The following NALF1 variants were observed in gnomAD, a reference collection of about 807,000 sequenced individuals.
The protein encoded by NALF1 is family with sequence similarity 155 member A.
NALF1 carries 3 observed loss-of-function variants against 48.4 expected under a neutral mutation model. The ratio of observed to expected loss-of-function variants is 0.06; its 90% CI spans 0.03 to 0.16. NALF1 has a LOEUF of 0.16. Ranked by LOEUF, NALF1 falls within the 10% of genes least tolerant of loss-of-function variation. The pLI, the probability that NALF1 is intolerant of heterozygous loss-of-function variation, is 1.00. For synonymous variants in NALF1, 262 were observed against 245.7 expected, an observed-to-expected ratio of 1.07 and a Z score of -0.62; for missense variants, 526 against 571.5, an observed-to-expected ratio of 0.92 and a Z score of 0.81.
intron 1 of NALF1, among the ~76,000 whole-genome samples, chr13:107,845,436 T>G (rs1156454694): frequency 6.6e-6 from 1 of 152,140 alleles, no homozygotes; most frequent in East Asian, 1.9e-4. Flanking sequence ...ATGGTGAACC[T>G]CAGCCTTAGT....
chr13:107,255,332 T>C (rs1010897742), intron 1 of NALF1, among the ~76,000 whole-genome samples: 3 of 152,220 alleles, frequency 2.0e-5, no homozygotes, highest in Non-Finnish European at 1.5e-5. Flanking sequence ...TTTCTATTCA[T>C]CTCTTTATGT....
chr13:107,551,546 A>G (rs1390483543), intron 1 of NALF1, among the ~76,000 whole-genome samples: 6 of 152,188 alleles, frequency 3.9e-5, no homozygotes, highest in Admixed American at 3.9e-4. Context: ...TAAATAGAAT[A>G]TTACATCGAG....
chr13:107,190,470 A>T (rs1309989650), intron 2 of NALF1, among the ~76,000 whole-genome samples: 2 of 152,210 alleles, frequency 1.3e-5, no homozygotes, highest in African/African-American at 2.4e-5. Flanking sequence ...TTCAATACTT[A>T]GGGGAAAACT....
At chr13:107,453,972 T>C (rs1030577975) in intron 1 of NALF1, among the ~76,000 whole-genome samples, 3 of 152,184 alleles carry the variant, frequency 2.0e-5, no homozygotes, top group African/African-American at 7.2e-5. Flanking sequence ...CTCCTTGCTA[T>C]AGCATAGCAA....
At chr13:107,783,672 C>A (rs946454130) in intron 1 of NALF1, among the ~76,000 whole-genome samples, 1 of 151,630 alleles carries the variant, frequency 6.6e-6, no homozygotes, top group Non-Finnish European at 1.5e-5. Context: ...GCAGCATGCT[C>A]GTTAAGAGTC....
intron 1 of NALF1, among the ~76,000 whole-genome samples, chr13:107,782,180 A>C (rs1877911047): frequency 6.6e-6 from 1 of 152,152 alleles, no homozygotes; most frequent in Non-Finnish European, 1.5e-5. Flanking sequence ...CAGCCTGCCG[A>C]GTGCCTGCGA....
At chr13:107,443,547 T>C (rs906081384) in intron 1 of NALF1, among the ~76,000 whole-genome samples, 1 of 152,252 alleles carries the variant, frequency 6.6e-6, no homozygotes, top group Non-Finnish European at 1.5e-5. Flanking sequence ...TAATGTTTAT[T>C]TGTGAGAAAA....
rs372438292 is a variant in NALF1 at position 107,249,710 on chromosome 13, C to T, written c.916-38955G>A. ...CTCTAACTTCCTTCCTTCCCTCCAG[C>T]ATCTCTCTTTCATAAAACACATCAT... On this transcript the variant is annotated intron_variant, in intron 1 of 2. Coordinates refer to ENST00000375915, the MANE Select transcript of NALF1 (RefSeq NM_001080396.3). 2.0e-4 allele frequency among the ~76,000 whole-genome samples: 30 copies of T among 152,218 alleles called. 1 individual carries two copies. The South Asian group carries it at 6.0e-3, about 30-fold the overall frequency.
chr13:107,440,892 C>A (rs895154730), intron 1 of NALF1, among the ~76,000 whole-genome samples: 2 of 152,042 alleles, frequency 1.3e-5, no homozygotes, highest in Non-Finnish European at 2.9e-5. Context: ...TTATAATTTT[C>A]GGCAACTTCG....
At chr13:107,633,046 C>T (rs1467468189) in intron 1 of NALF1, among the ~76,000 whole-genome samples, 1 of 151,950 alleles carries the variant, frequency 6.6e-6, no homozygotes, top group Admixed American at 6.6e-5. Context: ...AATAGTTGGT[C>T]TGGTGATCTT....
At chr13:107,529,647 A>T (rs527746680) in intron 1 of NALF1, among the ~76,000 whole-genome samples, 4 of 152,264 alleles carry the variant, frequency 2.6e-5, no homozygotes, top group African/African-American at 7.2e-5. Context: ...ACAGTAGCCA[A>T]CCATTCACCA....
Position 107,170,763 on chromosome 13 carries a change from T to G in NALF1, c.1111A>C (p.Asn371His). 1 of 1,614,230 alleles carries G rather than the reference T, an allele frequency of 6.2e-7. No individual in the cohort carries two copies. Among genetic ancestry groups the G allele is most frequent in the Non-Finnish European group, 8.5e-7 (1 of 1,180,034 alleles). Residue 371 changes from asparagine to histidine, a missense_variant, in exon 3 of 3, where the codon AAT (asparagine) becomes CAT (histidine). This residue lies in a region of NALF1 where 153 missense variants were observed against 215.9 expected (regional missense o/e 0.71). Coordinates refer to ENST00000375915, the MANE Select transcript of NALF1 (RefSeq NM_001080396.3). ...CTGLYETFLT[N>H]DEPECCDVRR... ...ACGTCACAGCATTCTGGTTCATCAT[T>G]GGTTAGAAAGGTTTCATAAAGCCCT...
intron 1 of NALF1, among the ~76,000 whole-genome samples, chr13:107,370,374 G>C (rs969895827): frequency 1.3e-5 from 2 of 152,258 alleles, no homozygotes; most frequent in African/African-American, 4.8e-5. Flanking sequence ...AGTACAAACA[G>C]GCTCTTGCAA....
At chr13:107,424,249 C>T (rs990734016) in intron 1 of NALF1, among the ~76,000 whole-genome samples, 9 of 152,098 alleles carry the variant, frequency 5.9e-5, no homozygotes, top group African/African-American at 1.2e-4. Flanking sequence ...GCCTTTCTTC[C>T]GCCTAAGCCT....
intron 1 of NALF1, among the ~76,000 whole-genome samples, chr13:107,463,078 G>C (rs1395229698): frequency 1.3e-5 from 2 of 152,142 alleles, no homozygotes; most frequent in Non-Finnish European, 2.9e-5. Flanking sequence ...GTCAGAAGAT[G>C]TATGGTCTGA....
At chr13:107,324,219 A>T (rs901572577) in intron 1 of NALF1, among the ~76,000 whole-genome samples, 2 of 152,180 alleles carry the variant, frequency 1.3e-5, no homozygotes, top group African/African-American at 4.8e-5. Flanking sequence ...AGTCCTTCCT[A>T]TTATTTTTCT....
intron 1 of NALF1, among the ~76,000 whole-genome samples, chr13:107,720,470 C>G (rs1875950324): frequency 7.4e-6 from 1 of 135,546 alleles, no homozygotes; most frequent in Non-Finnish European, 1.5e-5. Flanking sequence ...AAGACTGCGC[C>G]CCTGCACTCC....
intron 1 of NALF1, among the ~76,000 whole-genome samples, chr13:107,368,608 T>C (rs1883193878): frequency 6.6e-6 from 1 of 152,238 alleles, no homozygotes; most frequent in African/African-American, 2.4e-5. Flanking sequence ...GCCACTTCAC[T>C]GTAATCTCTG....
At chr13:107,566,123 C>A (rs1216319074) in intron 1 of NALF1, among the ~76,000 whole-genome samples, 2 of 152,098 alleles carry the variant, frequency 1.3e-5, no homozygotes, top group African/African-American at 4.8e-5. Flanking sequence ...CATTTCTCAC[C>A]TGAAGGCAAG....
Sources: allele counts gnomAD v4.1 joint callset (sites outside exome capture counted in the v4.1 genomes callset), GRCh38; gene constraint gnomAD v4.1.1; regional missense constraint gnomAD v4.1.1; transcripts MANE v1.5; gene names NCBI Gene and HGNC (gene_info 2026-07-23, HGNC 2026-07-21).